Variants in ZGRF1 observed in about 807,000 individuals in gnomAD.
The protein encoded by ZGRF1 is zinc finger GRF-type containing 1, also known as 5'-3' DNA helicase ZGRF1.
ZGRF1 carries 196 observed loss-of-function variants against 203.5 expected under a neutral mutation model. The ratio of observed to expected loss-of-function variants is 0.96; its 90% CI spans 0.86 to 1.08. The LOEUF is 1.08. Ranked by LOEUF, ZGRF1 falls within the 50% of genes least tolerant of loss-of-function variation. The pLI, the probability that ZGRF1 is intolerant of heterozygous loss-of-function variation, is 0.00. For missense variants in ZGRF1, 2,326 were observed against 2,416.3 expected (o/e 0.96, Z 0.78); for synonymous variants, 809 against 841.3 (o/e 0.96, Z 0.66).
intron 3 of ZGRF1, among the ~76,000 whole-genome samples, chr4:112,627,676 G>T (rs1238224588): frequency 6.6e-6 from 1 of 152,214 alleles, no homozygotes; most frequent in Non-Finnish European, 1.5e-5. Context: ...GGAGGCAGAG[G>T]CTGTAGTGAG....
intron 7 of ZGRF1, 76 bp downstream of exon 7, chr4:112,612,448 A>T: frequency 1.1e-6 from 1 of 949,204 alleles, no homozygotes; most frequent in Non-Finnish European, 1.6e-6. Context: ...GGACTGTATT[A>T]CTATAATTCT....
At chr4:112,634,597 G>A (rs2047519001) in intron 1 of ZGRF1, among the ~76,000 whole-genome samples, 1 of 151,830 alleles carries the variant, frequency 6.6e-6, no homozygotes, top group African/African-American at 2.4e-5. Context: ...GCTGCAGTGA[G>A]CCGAGATCAC....
chr4:112,574,451 C>T (rs912127912), intron 16 of ZGRF1, among the ~76,000 whole-genome samples: 2 of 151,846 alleles, frequency 1.3e-5, no homozygotes, highest in African/African-American at 2.4e-5. Flanking sequence ...TAAATCTATA[C>T]ACAGAAGAAA....
chr4:112,628,490 C>A, intron 3 of ZGRF1: 1 of 434,064 alleles, frequency 2.3e-6, no homozygotes. Flanking sequence ...ATGACTTATT[C>A]AGTGGAAGAT....
At chr4:112,600,271 T>C (rs972632689) in intron 10 of ZGRF1, among the ~76,000 whole-genome samples, 2 of 152,180 alleles carry the variant, frequency 1.3e-5, no homozygotes, top group Non-Finnish European at 1.5e-5. Context: ...TTGCCTTAAG[T>C]GATCCTCCTG....
chr4:112,606,762 G>A (rs1750833491), intron 8 of ZGRF1, among the ~76,000 whole-genome samples: 1 of 151,960 alleles, frequency 6.6e-6, no homozygotes, highest in African/African-American at 2.4e-5. Flanking sequence ...AAATTAGTAA[G>A]AAATGAAAGG....
intron 10 of ZGRF1, among the ~76,000 whole-genome samples, chr4:112,590,454 AT>A (rs1447638907): frequency 6.6e-6 from 1 of 152,226 alleles, no homozygotes; most frequent in Non-Finnish European, 1.5e-5. Flanking sequence ...CACAATATAT[AT>A]ATTTGTATAA....
intron 3 of ZGRF1, 138 bp downstream of exon 3, chr4:112,631,792 G>C (rs1189825064): frequency 1.1e-5 from 5 of 471,478 alleles, no homozygotes; most frequent in African/African-American, 2.0e-5. Context: ...GTGATATGGG[G>C]ATCATTTGAA....
rs140472423 is a variant in ZGRF1, at chr4:112,626,271, T to TA, written c.103-2396dup. 7.4e-3 allele frequency among the ~76,000 whole-genome samples: 1,129 copies of TA among 152,050 alleles called. 20 individuals are homozygous for TA. The highest frequency in any genetic ancestry group is 0.022 in the African/African-American group (932 of 41,534). On this transcript the variant is annotated intron_variant, in intron 3 of 27. Coordinates refer to ENST00000505019, the MANE Select transcript of ZGRF1 (RefSeq NM_018392.5). ...GTGAATTATATCTCAATAAAGCTGT[T>TA]AAAAAAATGGTATTCTTGTCCCTCT...
intron 4 of ZGRF1, among the ~76,000 whole-genome samples, chr4:112,620,674 C>T (rs1181314265): frequency 2.0e-5 from 3 of 152,074 alleles, no homozygotes; most frequent in Non-Finnish European, 2.9e-5. Context: ...CCCTAGTCAA[C>T]ATAGCAAGAC....
rs973151305 is a variant in ZGRF1, at chr4:112,563,182, T to G, written c.4531A>C (p.Ile1511Leu). The change falls in exon 17 of 28, where the codon ATA (isoleucine) becomes CTA (leucine). Residue 1511 changes from isoleucine to leucine, a missense_variant. Ile to Leu is a conservative substitution (Grantham distance 5). Transcript: ENST00000505019. Reference protein sequence around the residue: ...AFFGPSSINEIEILPLKGYFP... With the variant: ...AFFGPSSINELEILPLKGYFP... The stretch of plus-strand genomic sequence containing the variant: ...TAGCCTTTCAAAGGCAGTATTTCTA[T>G]CTCATTGATAGATGATGGTCCAAAG... 6.4e-7 allele frequency: 1 copy of G among 1,550,654 alleles called. No individual in the cohort carries two copies. The highest frequency in any genetic ancestry group is 8.7e-7 in the Non-Finnish European group (1 of 1,146,322).
At chr4:112,599,117 T>C (rs1749518759) in intron 10 of ZGRF1, among the ~76,000 whole-genome samples, 1 of 152,108 alleles carries the variant, frequency 6.6e-6, no homozygotes, top group Non-Finnish European at 1.5e-5. Flanking sequence ...TTAATTTTCT[T>C]AGTATGTAAA....
At chr4:112,545,554 C>T (rs1738576600) in intron 24 of ZGRF1, among the ~76,000 whole-genome samples, 1 of 152,068 alleles carries the variant, frequency 6.6e-6, no homozygotes, top group Non-Finnish European at 1.5e-5. Flanking sequence ...GACGCCGCTG[C>T]TATAGAAAAA....
chr4:112,579,583 AC>A (rs1745847448), intron 16 of ZGRF1, among the ~76,000 whole-genome samples: 1 of 122,702 alleles, frequency 8.1e-6, no homozygotes, highest in Non-Finnish European at 1.8e-5. Flanking sequence ...GTCTCAGGAT[AC>A]AAAATCAATG....
intron 10 of ZGRF1, among the ~76,000 whole-genome samples, chr4:112,595,905 C>T (rs1329063263): frequency 6.6e-6 from 1 of 152,074 alleles, no homozygotes; most frequent in South Asian, 2.1e-4. Flanking sequence ...AGTAGTATCT[C>T]AGAATTTGAT....
At chr4:112,625,162 C>A (rs1016295887) in intron 3 of ZGRF1, among the ~76,000 whole-genome samples, 3 of 152,170 alleles carry the variant, frequency 2.0e-5, no homozygotes. Flanking sequence ...TGGTGCAAGC[C>A]TAAGTAGTCC....
chr4:112,570,124 G>A (rs1180419276), intron 16 of ZGRF1, among the ~76,000 whole-genome samples: 1 of 152,110 alleles, frequency 6.6e-6, no homozygotes, highest in Non-Finnish European at 1.5e-5. Flanking sequence ...GCCACAAAAA[G>A]TTAGCAAGAC....
In ZGRF1 at chr4:112,540,961, G is replaced by A. The variant is rs750197445; in HGVS notation, c.5776-6C>T. 2 of 1,563,054 alleles carry A rather than the reference G, an allele frequency of 1.3e-6. No homozygotes were observed. The highest frequency in any genetic ancestry group is 1.9e-5 in the Admixed American group (1 of 52,240). On this transcript the variant is annotated splice_region_variant and splice_polypyrimidine_tract_variant and intron_variant, in intron 25 of 27. Transcript: ENST00000505019. Reference sequence around the variant, plus strand: ...AAGCTGTTATCTCTTTCTATCTGGAGTAAGAAATAGATCCTAAATTATATT... The same window carrying A: ...AAGCTGTTATCTCTTTCTATCTGGAATAAGAAATAGATCCTAAATTATATT...
intron 10 of ZGRF1, among the ~76,000 whole-genome samples, chr4:112,591,503 T>TA (rs1748153246): frequency 6.6e-6 from 1 of 152,142 alleles, no homozygotes; most frequent in Non-Finnish European, 1.5e-5. Context: ...CAATCTCTCT[T>TA]AAAGTATGAG....
Sources: allele counts gnomAD v4.1 joint callset (sites outside exome capture counted in the v4.1 genomes callset), GRCh38; gene constraint gnomAD v4.1.1; transcripts MANE v1.5; gene names NCBI Gene and HGNC (gene_info 2026-07-23, HGNC 2026-07-21).